Variants in DCP2 observed in about 807,000 individuals in gnomAD.
DCP2 encodes the protein m7GpppN-mRNA hydrolase.
DCP2 carries 30 observed loss-of-function variants against 56.1 expected under a neutral mutation model. That is an observed-to-expected ratio of 0.53 (90% CI 0.40 to 0.73). The LOEUF is 0.73. Ranked by LOEUF, DCP2 falls within the 30% of genes least tolerant of loss-of-function variation. The probability of loss-of-function intolerance (pLI) is 0.00; values close to 1 mark genes in which losing one functional copy is unlikely to be tolerated. For synonymous variants in DCP2, 197 were observed against 163.3 expected (o/e 1.21, Z -1.57); for missense variants, 533 against 502.7 (o/e 1.06, Z -0.58).
chr5:112,995,420 T>C (rs1167008596), intron 4 of DCP2, among the ~76,000 whole-genome samples: 2 of 152,208 alleles, frequency 1.3e-5, no homozygotes, highest in Non-Finnish European at 2.9e-5. Context: ...AGTATCCTGC[T>C]TAGAGGAATT....
At chr5:112,978,060 C>T (rs1008930104) in intron 1 of DCP2, among the ~76,000 whole-genome samples, 1 of 152,062 alleles carries the variant, frequency 6.6e-6, no homozygotes, top group Admixed American at 6.6e-5. Flanking sequence ...TCACTGCAAC[C>T]TCTGCCTTCC....
chr5:113,012,257 G>T (rs1386947069), intron 10 of DCP2, among the ~76,000 whole-genome samples: 1 of 152,168 alleles, frequency 6.6e-6, no homozygotes, highest in Non-Finnish European at 1.5e-5. Flanking sequence ...CTACTTAAGA[G>T]GCTGAGGCAA....
At chr5:112,994,030 C>G (rs775005519) in intron 4 of DCP2, among the ~76,000 whole-genome samples, 13 of 151,852 alleles carry the variant, frequency 8.6e-5, no homozygotes, top group Non-Finnish European at 1.5e-4. Context: ...CTTCTGAGGT[C>G]AAGTGATCTC....
chr5:112,977,954 T>TG (rs61416325), intron 1 of DCP2, among the ~76,000 whole-genome samples: 2,949 of 151,846 alleles, frequency 0.019, 101 homozygotes, highest in African/African-American at 0.067. Context: ...TGGAGTTTTT[T>TG]GGGGTTTTTT....
chr5:113,010,736 T>TGTG lies in DCP2; in HGVS notation c.1048-20_1048-19insGTG. 2 of 549,880 alleles carry TGTG rather than the reference T, an allele frequency of 3.6e-6. No homozygotes were observed. Among genetic ancestry groups the TGTG allele is most frequent in the East Asian group, 6.3e-5 (1 of 15,802 alleles). 34.1% of individuals were successfully genotyped at this position (549,880 alleles called of 1,614,324 possible). ...TGTGTTGTATGTGTGTGTGTGTGTG[T>TGTG]TTTTTTTTTTTTTAAATAGAAGTGT... On this transcript the variant is annotated intron_variant, in intron 9 of 10. Coordinates refer to ENST00000389063, the MANE Select transcript of DCP2 (RefSeq NM_152624.6).
intron 4 of DCP2, among the ~76,000 whole-genome samples, chr5:112,996,452 T>C (rs1394830898): frequency 6.6e-6 from 1 of 152,244 alleles, no homozygotes; most frequent in Non-Finnish European, 1.5e-5. Context: ...AGTTCTACCA[T>C]GGGTGCTTAC....
At chr5:112,992,097 TA>T in intron 2 of DCP2, 23 bp from the exon 3 acceptor site, 2 of 1,610,160 alleles carry the variant, frequency 1.2e-6, no homozygotes, top group Admixed American at 3.4e-5. Flanking sequence ...AAGGAGAAAG[TA>T]ACTTCCTTGA....
intron 4 of DCP2, among the ~76,000 whole-genome samples, chr5:112,994,420 C>T (rs1748754931): frequency 6.6e-6 from 1 of 151,902 alleles, no homozygotes; most frequent in Non-Finnish European, 1.5e-5. Flanking sequence ...GATCTTCCTG[C>T]CTCAGCTTCC....
intron 1 of DCP2, among the ~76,000 whole-genome samples, chr5:112,977,336 C>T (rs1157017119): frequency 2.0e-5 from 3 of 152,194 alleles, no homozygotes; most frequent in Non-Finnish European, 4.4e-5. Context: ...TTTTTTCTGC[C>T]TCTGTGACTT....
chr5:113,006,162 G>A (rs1749424949), intron 8 of DCP2, among the ~76,000 whole-genome samples: 1 of 151,722 alleles, frequency 6.6e-6, no homozygotes, highest in African/African-American at 2.4e-5. Context: ...CTACAATATG[G>A]GTAAACCTCG....
intron 4 of DCP2, among the ~76,000 whole-genome samples, chr5:112,993,133 T>A (rs2150177014): frequency 6.6e-6 from 1 of 152,318 alleles, no homozygotes; most frequent in African/African-American, 2.4e-5. Context: ...GTGCACAATT[T>A]GGGATTTTCT....
intron 2 of DCP2, among the ~76,000 whole-genome samples, chr5:112,991,633 T>C (rs537871718): frequency 6.6e-6 from 1 of 152,344 alleles, no homozygotes; most frequent in Admixed American, 6.5e-5. Context: ...ACTTTATTCT[T>C]TTTCTGATGT....
At chr5:112,977,641 C>T (rs926141832) in intron 1 of DCP2, among the ~76,000 whole-genome samples, 3 of 152,094 alleles carry the variant, frequency 2.0e-5, no homozygotes, top group Admixed American at 1.3e-4. Context: ...AAATTCTCAA[C>T]CGCGGGGTTT....
At chr5:113,004,251 G>T (rs1749310880) in intron 8 of DCP2, among the ~76,000 whole-genome samples, 174 bp downstream of exon 8, 1 of 152,192 alleles carries the variant, frequency 6.6e-6, no homozygotes, top group African/African-American at 2.4e-5. Context: ...AATGTTTACA[G>T]TTCCGGTGTA....
In DCP2 at chr5:113,021,922, A is replaced by G. The variant is rs917208190; in HGVS notation, c.*8438A>G. 6.6e-6 allele frequency among the ~76,000 whole-genome samples: 1 copy of G among 152,220 alleles called. No homozygotes were observed. Among genetic ancestry groups the G allele is most frequent in the African/African-American group, 2.4e-5 (1 of 41,472 alleles). On this transcript the variant is annotated 3_prime_UTR_variant, in exon 11 of 11. Coordinates refer to ENST00000389063, the MANE Select transcript of DCP2 (RefSeq NM_152624.6). Reference sequence around the variant, plus strand: ...CCAAATTTTAAAAAGCCAACTAAAAATGGGCTATAAATGAGGGTTCTTTGG... The same window carrying G: ...CCAAATTTTAAAAAGCCAACTAAAAGTGGGCTATAAATGAGGGTTCTTTGG...
In DCP2 at chr5:113,016,800, A is replaced by AT. The variant is rs1749905125; in HGVS notation, c.*3320dup. 1 of 142,436 alleles carries AT rather than the reference A, an allele frequency of 7.0e-6. No homozygotes were observed. The highest frequency in any genetic ancestry group is 1.5e-5 in the Non-Finnish European group (1 of 65,280). 8.8% of individuals were successfully genotyped at this position (142,436 alleles called of 1,614,324 possible). A position where few individuals can be genotyped will look rare whatever the true frequency, so the allele number is the denominator to read the frequency against. ...GCAAAGTTAATTATAAAAATTAGAC[A>AT]TTTTGCCAAGTTAGTTTTCTTACCA... On this transcript the variant is annotated 3_prime_UTR_variant, in exon 11 of 11. Transcript: ENST00000389063.
intron 1 of DCP2, chr5:112,983,903 A>T (rs538042251): frequency 6.6e-6 from 1 of 152,250 alleles, no homozygotes; most frequent in Non-Finnish European, 1.5e-5. Flanking sequence ...AAGTATGAGG[A>T]TAAAGACATT....
At chr5:113,011,909 G>T (rs1296368730) in intron 10 of DCP2, among the ~76,000 whole-genome samples, 1 of 152,152 alleles carries the variant, frequency 6.6e-6, no homozygotes, top group African/African-American at 2.4e-5. Flanking sequence ...TAAGGATCCA[G>T]TTCTTTTGCA....
chr5:112,981,013 C>T (rs535133504), intron 1 of DCP2, among the ~76,000 whole-genome samples: 18 of 148,038 alleles, frequency 1.2e-4, no homozygotes, highest in African/African-American at 3.9e-4. Flanking sequence ...CCATTGTTTA[C>T]CTTTGTGACT....
Sources: gnomAD v4.1 joint callset for allele counts (sites outside exome capture counted in the v4.1 genomes callset) on GRCh38, gnomAD v4.1.1 for gene constraint, MANE v1.5 for transcripts, NCBI Gene and HGNC (gene_info 2026-07-23, HGNC 2026-07-21) for gene names.